The following ADAM7 variants were observed in gnomAD, a reference collection of about 807,000 sequenced individuals.
ADAM7 encodes ADAM metallopeptidase domain 7.
A neutral mutation model predicts 102.9 loss-of-function variants in ADAM7; 97 were observed. The observed-to-expected ratio is 0.94, with a 90% confidence interval of 0.80 to 1.12. The LOEUF (loss-of-function observed/expected upper bound fraction) is 1.12. Ranked by LOEUF, ADAM7 falls within the 50% of genes most tolerant of loss-of-function variation. The pLI, the probability that ADAM7 is intolerant of heterozygous loss-of-function variation, is 0.00. For missense variants in ADAM7, 991 were observed against 908.7 expected (o/e 1.09, Z -1.16); for synonymous variants, 334 against 304.4 (o/e 1.10, Z -1.01).
chr8:24,485,109 G>A (rs544302585), intron 9 of ADAM7, among the ~76,000 whole-genome samples, 168 bp from the exon 10 acceptor site: 108 of 152,238 alleles, frequency 7.1e-4, no homozygotes, highest in African/African-American at 2.3e-3. Flanking sequence ...ACAGGTTAAA[G>A]ATGAGCTCAA....
At chr8:24,464,579 C>G (rs533374688) in intron 4 of ADAM7, among the ~76,000 whole-genome samples, 2 of 152,148 alleles carry the variant, frequency 1.3e-5, no homozygotes, top group Non-Finnish European at 2.9e-5. Context: ...AAAGTATTTC[C>G]TCCATTTAAA....
Position 24,487,247 on chromosome 8 carries a change from C to T in ADAM7, c.1021C>T (p.Leu341Phe). 6.2e-7 allele frequency: 1 copy of T among 1,613,888 alleles called. No individual in the cohort carries two copies. Among genetic ancestry groups the T allele is most frequent in the South Asian group, 1.1e-5 (1 of 91,082 alleles). Residue 341 changes from leucine (L) to phenylalanine (F), a missense_variant, in exon 11 of 22, where the codon CTT (leucine) becomes TTT (phenylalanine). Transcript: ENST00000175238. The part of the protein sequence containing the change: ...NRMAHQLGHN[L>F]GMQHDEFPCT... ...AATGGCACATCAACTGGGGCATAAC[C>T]TTGGGATGCAGCATGACGAGTTCCC...
intron 16 of ADAM7, among the ~76,000 whole-genome samples, chr8:24,495,398 G>GA (rs56814924): frequency 0.036 from 5,431 of 151,780 alleles, 334 homozygotes; most frequent in African/African-American, 0.12. Flanking sequence ...TGAAATAAAT[G>GA]AAAAAAATAG....
At chr8:24,500,961 T>A in intron 19 of ADAM7, 66 bp downstream of exon 19, 2 of 1,335,900 alleles carry the variant, frequency 1.5e-6, no homozygotes, top group South Asian at 2.5e-5. Context: ...AGCTTTGTGG[T>A]TATAGAGGAT....
chr8:24,487,063 C>A, intron 10 of ADAM7, 124 bp from the exon 11 acceptor site: 1 of 1,028,794 alleles, frequency 9.7e-7, no homozygotes, highest in South Asian at 1.9e-5. Flanking sequence ...GAGTCCATGC[C>A]TTTTTAAATA....
At chr8:24,442,684 C>G (rs574214551) in intron 2 of ADAM7, 108 bp downstream of exon 2, 309 of 854,558 alleles carry the variant, frequency 3.6e-4, no homozygotes, top group Non-Finnish European at 5.3e-4. Context: ...TTCAATTTTT[C>G]TAAGGACTCC....
At chr8:24,441,883 A>G (rs943304930) in intron 1 of ADAM7, among the ~76,000 whole-genome samples, 6 of 152,180 alleles carry the variant, frequency 3.9e-5, no homozygotes, top group Non-Finnish European at 8.8e-5. Context: ...TAACAAAACG[A>G]CAACTGCAGG....
chr8:24,448,251 A>C (rs1818640707), intron 3 of ADAM7, among the ~76,000 whole-genome samples: 1 of 152,162 alleles, frequency 6.6e-6, no homozygotes, highest in Admixed American at 6.6e-5. Context: ...CAGGGTCACA[A>C]TACTCATAAG....
rs188842567 is a variant in ADAM7 at position 24,505,269 on chromosome 8, G to A, written c.2209-2211G>A. Among the ~76,000 whole-genome samples, 1,368 of 152,214 alleles carry A rather than the reference G, an allele frequency of 9.0e-3. 70 individuals carry two copies. Among genetic ancestry groups the A allele is most frequent in the Admixed American group, 0.083 (1,262 of 15,274 alleles). ...GCTCAATGATGAATAACCATAGAGC[G>A]TAGGACATATTTGTTATGATTATAG... is the stretch of plus-strand genomic sequence containing the variant. On this transcript the variant is annotated intron_variant, in intron 20 of 21. Coordinates refer to ENST00000175238, the MANE Select transcript of ADAM7 (RefSeq NM_003817.4).
At chr8:24,454,357 G>A (rs1377700937) in intron 3 of ADAM7, among the ~76,000 whole-genome samples, 1 of 152,234 alleles carries the variant, frequency 6.6e-6, no homozygotes, top group East Asian at 1.9e-4. Flanking sequence ...CTGGGCAATG[G>A]CGGGCGCCCC....
chr8:24,507,647 C>A (rs1164909594), intron 21 of ADAM7, 112 bp downstream of exon 21: 2 of 665,318 alleles, frequency 3.0e-6, no homozygotes, highest in Non-Finnish European at 4.7e-6. Flanking sequence ...GTACTTATCA[C>A]AACAGATTAG....
intron 8 of ADAM7, among the ~76,000 whole-genome samples, chr8:24,477,618 G>C (rs555467418): frequency 1.5e-5 from 2 of 134,790 alleles, no homozygotes; most frequent in Non-Finnish European, 3.2e-5. Flanking sequence ...TGGATTCTCT[G>C]AACTTCTGGG....
chr8:24,452,930 G>A (rs1178728839), intron 3 of ADAM7, among the ~76,000 whole-genome samples: 1 of 149,476 alleles, frequency 6.7e-6, no homozygotes, highest in Non-Finnish European at 1.5e-5. Flanking sequence ...GGCTGGATAT[G>A]AAATTCTGGG....
intron 3 of ADAM7, among the ~76,000 whole-genome samples, chr8:24,457,421 A>T (rs1286839185): frequency 2.6e-5 from 4 of 152,038 alleles, no homozygotes; most frequent in Non-Finnish European, 5.9e-5. Context: ...GACTGCAGGC[A>T]TCCACCACCA....
In ADAM7 at chr8:24,506,753, G is replaced by GCACACACA. The variant is rs71549838; in HGVS notation, c.2209-696_2209-689dup. Among the ~76,000 whole-genome samples the GCACACACA allele has an allele frequency of 2.3e-3, 339 of 144,288 alleles. 1 individual carries two copies. Among genetic ancestry groups the GCACACACA allele is most frequent in the African/African-American group, 7.5e-3 (293 of 38,988 alleles). The allele number at this position is 144,288 out of a possible 152,430, so 94.7% of individuals were successfully genotyped here. ...CACATGCATTAGAGACTGAGTCAAAGCACACACACACACACACACACACAC... is the reference window on the plus strand; with the variant it reads ...CACATGCATTAGAGACTGAGTCAAAGCACACACACACACACACACACACACACACACAC... On this transcript the variant is annotated intron_variant, in intron 20 of 21. Coordinates refer to ENST00000175238, the MANE Select transcript of ADAM7 (RefSeq NM_003817.4).
Position 24,463,995 on chromosome 8 carries a change from A to T in ADAM7, c.312+35A>T, listed in dbSNP as rs569474979. 6 of 1,565,658 alleles carry T rather than the reference A, an allele frequency of 3.8e-6. No homozygotes were observed. The African/African-American group carries it at 5.4e-5, about 14-fold the overall frequency. ...GGAACTTTACTGTGTCTCTTCTCTA[A>T]AAGCAGTATTTCCTGATGTGATTTT... On this transcript the variant is annotated intron_variant, in intron 4 of 21. Coordinates refer to ENST00000175238, the MANE Select transcript of ADAM7 (RefSeq NM_003817.4).
At chr8:24,465,833 G>T in intron 5 of ADAM7, 58 bp downstream of exon 5, 1 of 1,351,710 alleles carries the variant, frequency 7.4e-7, no homozygotes, top group Non-Finnish European at 1.0e-6. Context: ...TTTCAAAGAA[G>T]TTAACTTTGT....
In ADAM7 at chr8:24,492,090, T is replaced by TTGA; in HGVS notation, c.1550_1552dup (p.Asp517dup). The TTGA allele has an allele frequency of 6.2e-7, 1 of 1,612,074 alleles. No individual in the cohort carries two copies. The highest frequency in any genetic ancestry group is 8.5e-7 in the Non-Finnish European group (1 of 1,179,126). On this transcript the variant is annotated inframe_insertion, in exon 14 of 22. Coordinates refer to ENST00000175238, the MANE Select transcript of ADAM7 (RefSeq NM_003817.4). ...CGTGAGGATCAGTGCTCTGAACTAT[T>TTGA]TGATGATGGTGAGAGATAATCACAG...
At position 24,466,810 on chromosome 8, in the gene ADAM7, G is replaced by T; in HGVS notation, c.401G>T (p.Arg134Ile). The T allele has an allele frequency of 6.2e-7, 1 of 1,612,694 alleles. No homozygotes were observed. Among genetic ancestry groups the T allele is most frequent in the Non-Finnish European group, 8.5e-7 (1 of 1,179,654 alleles). The change falls in exon 6 of 22, where the codon AGA becomes ATA. Residue 134 changes from arginine (R) to isoleucine (I), a missense_variant. Transcript: ENST00000175238. The part of the protein sequence containing the change: ...STCNGLRGFF[R>I]INDQRYLIEP... ...CCCAATTTCTACAGGGGATTCTTCA[G>T]AATAAACGACCAAAGATACCTCATT...
Sources: gnomAD v4.1 joint callset for allele counts (sites outside exome capture counted in the v4.1 genomes callset) on GRCh38, gnomAD v4.1.1 for gene constraint, MANE v1.5 for transcripts, NCBI Gene and HGNC (gene_info 2026-07-23, HGNC 2026-07-21) for gene names.